Variants in SDHB observed in about 807,000 individuals in gnomAD.
The protein encoded by SDHB is succinate dehydrogenase complex iron sulfur subunit B, also known as succinate dehydrogenase [ubiquinone] iron-sulfur subunit, mitochondrial.
A neutral mutation model predicts 39.7 loss-of-function variants in SDHB; 21 were observed. The ratio of observed to expected loss-of-function variants is 0.53; its 90% confidence interval spans 0.37 to 0.76. The LOEUF is 0.76. Among genes scored for constraint, SDHB ranks in the 30% least tolerant of loss-of-function variants. SDHB has a pLI of 0.00. For synonymous variants in SDHB, 118 were observed against 117.0 expected, an observed-to-expected ratio of 1.01 and a Z score of -0.06; for missense variants, 343 against 350.9, an observed-to-expected ratio of 0.98 and a Z score of 0.18.
chr1:17,026,049 C>T (rs1349079854), intron 5 of SDHB, among the ~76,000 whole-genome samples: 1 of 152,254 alleles, frequency 6.6e-6, no homozygotes, highest in Non-Finnish European at 1.5e-5. Flanking sequence ...GAATACTCAA[C>T]TTGTATCTAG....
chr1:17,042,216 C>T (rs775087896), intron 2 of SDHB, among the ~76,000 whole-genome samples: 2 of 152,128 alleles, frequency 1.3e-5, no homozygotes, highest in Admixed American at 6.5e-5. Flanking sequence ...CTGTTAGTCC[C>T]GTTACTTCCC....
chr1:17,028,888 T>C (rs1406713708), intron 3 of SDHB, 152 bp from the exon 4 acceptor site: 3 of 914,046 alleles, frequency 3.3e-6, no homozygotes, highest in Non-Finnish European at 5.3e-6. Flanking sequence ...CTTTTCTCCC[T>C]TCCTTCCTTC....
intron 1 of SDHB, 128 bp from the exon 2 acceptor site, chr1:17,045,016 A>G: frequency 3.6e-6 from 3 of 827,876 alleles, no homozygotes; most frequent in Non-Finnish European, 3.9e-6. Flanking sequence ...TCTTCTTAGA[A>G]AAGGCAGGCA....
chr1:17,032,889 C>A, intron 3 of SDHB, 171 bp downstream of exon 3: 1 of 677,774 alleles, frequency 1.5e-6, no homozygotes, highest in Admixed American at 2.3e-5. Flanking sequence ...GAACTTGCAC[C>A]ATGGTTAGAA....
intron 1 of SDHB, among the ~76,000 whole-genome samples, chr1:17,045,527 A>G (rs1488698234): frequency 6.6e-6 from 1 of 152,162 alleles, no homozygotes; most frequent in East Asian, 1.9e-4. Flanking sequence ...TGGGCCCGAG[A>G]GGTTGAGGCT....
At chr1:17,028,510 A>T in intron 4 of SDHB, 90 bp downstream of exon 4, 2 of 1,420,578 alleles carry the variant, frequency 1.4e-6, no homozygotes, top group Non-Finnish European at 2.0e-6. Context: ...ATACTCAAAC[A>T]AATCCTGCCC....
At chr1:17,040,274 T>C (rs893516843) in intron 2 of SDHB, among the ~76,000 whole-genome samples, 1 of 152,230 alleles carries the variant, frequency 6.6e-6, no homozygotes, top group Non-Finnish European at 1.5e-5. Flanking sequence ...CTTGACTTCA[T>C]GGAACAGGGC....
intron 1 of SDHB, chr1:17,045,177 T>C: frequency 2.4e-6 from 1 of 414,990 alleles, no homozygotes; most frequent in South Asian, 2.2e-5. Context: ...ACATTCACGA[T>C]GAATATAAAG....
intron 7 of SDHB, 104 bp from the exon 8 acceptor site, chr1:17,019,062 G>T: frequency 1.1e-6 from 1 of 888,100 alleles, no homozygotes; most frequent in Non-Finnish European, 1.9e-6. Context: ...CAGTGTCCAA[G>T]CAAGGTGAAT....
At chr1:17,049,036 T>C (rs905533183) in intron 1 of SDHB, among the ~76,000 whole-genome samples, 6 of 151,590 alleles carry the variant, frequency 4.0e-5, no homozygotes, top group Admixed American at 3.9e-4. Context: ...TATAGACACA[T>C]GGTCTAGCTT....
intron 1 of SDHB, among the ~76,000 whole-genome samples, chr1:17,050,307 ATTTT>A (rs995514411): frequency 6.8e-6 from 1 of 146,070 alleles, no homozygotes; most frequent in Non-Finnish European, 1.5e-5. Context: ...AAATGTCATC[ATTTT>A]TTTTTTTTCA....
intron 2 of SDHB, among the ~76,000 whole-genome samples, chr1:17,043,213 G>A (rs1168667832): frequency 6.6e-6 from 1 of 151,958 alleles, no homozygotes; most frequent in East Asian, 1.9e-4. Context: ...CACCTGCCTC[G>A]GCTTCCCAAA....
At chr1:17,040,511 G>A (rs1431532984) in intron 2 of SDHB, among the ~76,000 whole-genome samples, 1 of 152,156 alleles carries the variant, frequency 6.6e-6, no homozygotes, top group Non-Finnish European at 1.5e-5. Context: ...TTGGAGTACA[G>A]TGGCACAATT....
At position 17,042,954 on chromosome 1, in the gene SDHB, G is replaced by GTTTTTTTTTTTTTTTTTTTTTTTT. The variant is rs143394198; in HGVS notation, c.200+1783_200+1806dup. 4.8e-5 allele frequency among the ~76,000 whole-genome samples: 3 copies of GTTTTTTTTTTTTTTTTTTTTTTTT among 62,872 alleles called. 1 individual carries two copies. Among genetic ancestry groups the GTTTTTTTTTTTTTTTTTTTTTTTT allele is most frequent in the Non-Finnish European group, 8.0e-5 (3 of 37,706 alleles). 41.2% of individuals were successfully genotyped at this position (62,872 alleles called of 152,430 possible). A position where few individuals can be genotyped will look rare whatever the true frequency, so the allele number is the denominator to read the frequency against. On this transcript the variant is annotated intron_variant, in intron 2 of 7. Transcript: ENST00000375499. ...AGCAGTAGGGTTTTTTGTTTTATGA[G>GTTTTTTTTTTTTTTTTTTTTTTTT]TTTTTTTTTTTTTTTTTTTTTTTTT...
At chr1:17,019,543 TG>T (rs2077949505) in intron 7 of SDHB, among the ~76,000 whole-genome samples, 1 of 152,064 alleles carries the variant, frequency 6.6e-6, no homozygotes, top group African/African-American at 2.4e-5. Context: ...CCAGCTTCAT[TG>T]AAGTAGAAAG....
chr1:17,029,885 C>T (rs775718527), intron 3 of SDHB, among the ~76,000 whole-genome samples: 6 of 152,194 alleles, frequency 3.9e-5, no homozygotes, highest in South Asian at 2.1e-4. Context: ...AGGCACATGC[C>T]GCCATGTGCG....
chr1:17,023,749 T>G (rs774546048), intron 6 of SDHB, among the ~76,000 whole-genome samples: 2 of 152,224 alleles, frequency 1.3e-5, no homozygotes, highest in Admixed American at 6.5e-5. Flanking sequence ...TTGCACCCCT[T>G]TGGGGTGACC....
rs769687734 is a variant in SDHB, at chr1:17,027,801, G to T, written c.488C>A (p.Ser163Tyr). 6.2e-7 allele frequency: 1 copy of T among 1,613,666 alleles called. No individual in the cohort carries two copies. The highest frequency in any genetic ancestry group is 8.5e-7 in the Non-Finnish European group (1 of 1,179,664). ...IEPYLKKKDE[S>Y]QEGKQQYLQS... is the part of the protein sequence containing the mutation. ...CAGATACTGCTGCTTGCCTTCCTGA[G>T]ATTCATCCTTCTTCTTCAAATAAGG... The change falls in exon 5 of 8, where the codon TCT becomes TAT. Residue 163 changes from serine to tyrosine, a missense_variant. Coordinates refer to ENST00000375499, the MANE Select transcript of SDHB (RefSeq NM_003000.3).
At chr1:17,035,285 C>T (rs1357441639) in intron 2 of SDHB, among the ~76,000 whole-genome samples, 2 of 152,040 alleles carry the variant, frequency 1.3e-5, no homozygotes, top group African/African-American at 2.4e-5. Flanking sequence ...AAATACTTTA[C>T]ATTTTTTTCT....
Sources: allele counts gnomAD v4.1 joint callset (sites outside exome capture counted in the v4.1 genomes callset), GRCh38; gene constraint gnomAD v4.1.1; transcripts MANE v1.5; gene names NCBI Gene and HGNC (gene_info 2026-07-23, HGNC 2026-07-21).